The following GLCE variants were observed in gnomAD, a reference collection of about 807,000 sequenced individuals.
GLCE encodes the protein D-glucuronyl C5-epimerase.
Under a neutral mutation model 47.9 loss-of-function variants are expected in GLCE, and 19 were observed. The ratio of observed to expected loss-of-function variants is 0.40; its 90% CI spans 0.28 to 0.58. The LOEUF is 0.58. GLCE is among the 20% of genes least tolerant of loss of function. GLCE has a pLI of 0.48. For missense variants in GLCE, 556 were observed against 743.3 expected (o/e 0.75, Z 2.93); for synonymous variants, 245 against 263.4 (o/e 0.93, Z 0.68).
At chr15:69,194,567 AG>A (rs2051958780) in intron 1 of GLCE, 1 of 152,176 alleles carries the variant, frequency 6.6e-6, no homozygotes, top group Non-Finnish European at 1.5e-5. Context: ...CCAGATTACC[AG>A]GATTTTTCAG....
chr15:69,220,563 C>T (rs564797984), intron 2 of GLCE, among the ~76,000 whole-genome samples: 1 of 152,148 alleles, frequency 6.6e-6, no homozygotes, highest in South Asian at 2.1e-4. Flanking sequence ...TGTTTCTTGG[C>T]CAATTATGTG....
chr15:69,209,229 A>G (rs1284837005), intron 1 of GLCE, among the ~76,000 whole-genome samples: 1 of 151,892 alleles, frequency 6.6e-6, no homozygotes, highest in Non-Finnish European at 1.5e-5. Context: ...TATCTTTAAT[A>G]TCTTAGATAA....
chr15:69,186,108 C>G (rs753657390), intron 1 of GLCE, among the ~76,000 whole-genome samples: 1 of 152,098 alleles, frequency 6.6e-6, no homozygotes, highest in Non-Finnish European at 1.5e-5. Context: ...TATGCTACCC[C>G]CTGGGAACCT....
chr15:69,196,279 ATTGT>A (rs113036862), intron 1 of GLCE: 1 of 152,834 alleles, frequency 6.5e-6, no homozygotes, highest in African/African-American at 2.4e-5. Context: ...CGGTTTTTGC[ATTGT>A]TTAAATTTGC....
At chr15:69,240,244 AC>A (rs2052648050) in intron 2 of GLCE, among the ~76,000 whole-genome samples, 1 of 148,608 alleles carries the variant, frequency 6.7e-6, no homozygotes. Flanking sequence ...AGATCCCGCC[AC>A]TGCACTCCAG....
chr15:69,226,286 A>T (rs1306507451), intron 2 of GLCE, among the ~76,000 whole-genome samples: 3 of 152,210 alleles, frequency 2.0e-5, no homozygotes, highest in African/African-American at 7.2e-5. Context: ...AATATTCCAA[A>T]CACTGCTGTT....
chr15:69,262,403 T>A (rs191113437), intron 4 of GLCE, among the ~76,000 whole-genome samples: 3 of 152,358 alleles, frequency 2.0e-5, no homozygotes, highest in African/African-American at 7.2e-5. Context: ...ATTTAGCTTG[T>A]GATACCTAAG....
At chr15:69,164,266 A>G (rs2051469549) in intron 1 of GLCE, among the ~76,000 whole-genome samples, 1 of 152,034 alleles carries the variant, frequency 6.6e-6, no homozygotes, top group African/African-American at 2.4e-5. Flanking sequence ...ACAGTACCAA[A>G]GTGTCTTTTG....
At chr15:69,222,184 G>A (rs1056575062) in intron 2 of GLCE, among the ~76,000 whole-genome samples, 1 of 152,234 alleles carries the variant, frequency 6.6e-6, no homozygotes, top group African/African-American at 2.4e-5. Flanking sequence ...GCTGAGCCCA[G>A]GCTGGGCTAG....
intron 1 of GLCE, among the ~76,000 whole-genome samples, chr15:69,198,891 G>A (rs1455731157): frequency 2.0e-5 from 3 of 152,066 alleles, no homozygotes; most frequent in African/African-American, 7.2e-5. Flanking sequence ...ACTAGGTCTA[G>A]CCCACACTTA....
rs1485180149 is a variant in GLCE at position 69,272,095 on chromosome 15, A to AT, written c.*2857dup. ...TTAGTTTTATATACAGCAAAACTTG[A>AT]TTTTTTGCAGATGGAAAGGTATTTT... On this transcript the variant is annotated 3_prime_UTR_variant, in exon 5 of 5. Transcript: ENST00000261858. 6.6e-6 allele frequency: 1 copy of AT among 152,640 alleles called. No homozygotes were observed. The highest frequency in any genetic ancestry group is 1.5e-5 in the Non-Finnish European group (1 of 68,030). 9.5% of individuals were successfully genotyped at this position (152,640 alleles called of 1,614,324 possible). A position where few individuals can be genotyped will look rare whatever the true frequency, so the allele number is the denominator to read the frequency against.
At chr15:69,236,140 T>A (rs1240782531) in intron 2 of GLCE, among the ~76,000 whole-genome samples, 1 of 152,218 alleles carries the variant, frequency 6.6e-6, no homozygotes, top group Non-Finnish European at 1.5e-5. Flanking sequence ...TGTGTTCCAT[T>A]GTATGGATGA....
intron 1 of GLCE, among the ~76,000 whole-genome samples, chr15:69,168,609 C>T (rs567749240): frequency 5.9e-5 from 9 of 151,866 alleles, no homozygotes; most frequent in East Asian, 5.8e-4. Flanking sequence ...TCTGGCTCAC[C>T]GCAACCTCTG....
In GLCE at chr15:69,269,312, G is replaced by A. The variant is rs917850691; in HGVS notation, c.*68G>A. 3.2e-6 allele frequency: 4 copies of A among 1,244,848 alleles called. No homozygotes were observed. The highest frequency in any genetic ancestry group is 2.0e-5 in the Admixed American group (1 of 49,606). 77.1% of individuals were successfully genotyped at this position (1,244,848 alleles called of 1,614,324 possible). A position where few individuals can be genotyped will look rare whatever the true frequency, so the allele number is the denominator to read the frequency against. On this transcript the variant is annotated 3_prime_UTR_variant, in exon 5 of 5. Coordinates refer to ENST00000261858, the MANE Select transcript of GLCE (RefSeq NM_015554.3). ...AAACTACAGGCTCTGTCTCAGGAGA[G>A]CATAGGCACATTTTAAAAGGTTATG...
intron 1 of GLCE, among the ~76,000 whole-genome samples, chr15:69,182,802 T>C (rs1337705900): frequency 6.6e-6 from 1 of 151,896 alleles, no homozygotes; most frequent in Non-Finnish European, 1.5e-5. Flanking sequence ...TCACTTGAGG[T>C]CAGGAGATTG....
intron 2 of GLCE, among the ~76,000 whole-genome samples, chr15:69,233,391 C>G (rs969253339): frequency 6.6e-6 from 1 of 152,140 alleles, no homozygotes; most frequent in Non-Finnish European, 1.5e-5. Context: ...TGTTTTATCT[C>G]TACATTCAGG....
chr15:69,233,092 CA>C (rs1566963709), intron 2 of GLCE, among the ~76,000 whole-genome samples: 2 of 152,162 alleles, frequency 1.3e-5, no homozygotes, highest in East Asian at 3.9e-4. Context: ...GATAGTTTCT[CA>C]TTTTCCCAGA....
At chr15:69,241,152 A>G (rs192803388) in intron 2 of GLCE, among the ~76,000 whole-genome samples, 2 of 152,338 alleles carry the variant, frequency 1.3e-5, no homozygotes, top group Admixed American at 1.3e-4. Context: ...CAAGGAAAGA[A>G]AAGATGGACT....
intron 2 of GLCE, among the ~76,000 whole-genome samples, chr15:69,237,871 A>G (rs2052614237): frequency 6.6e-6 from 1 of 152,156 alleles, no homozygotes; most frequent in Admixed American, 6.5e-5. Flanking sequence ...GGCTTTCCTA[A>G]TGAGTGGAGA....
Sources: allele counts gnomAD v4.1 joint callset (sites outside exome capture counted in the v4.1 genomes callset), GRCh38; gene constraint gnomAD v4.1.1; transcripts MANE v1.5; gene names NCBI Gene and HGNC (gene_info 2026-07-23, HGNC 2026-07-21).